SLC5A8: variants seen among roughly 807,000 people sequenced by gnomAD.
SLC5A8 encodes solute carrier family 5 member 8.
SLC5A8 carries 55 observed loss-of-function variants against 71.9 expected under a neutral mutation model. That is an observed-to-expected ratio of 0.77 (90% CI 0.62 to 0.96). SLC5A8 has a LOEUF of 0.96. SLC5A8 is among the 40% of genes least tolerant of loss of function. SLC5A8 has a pLI of 0.00. For synonymous variants in SLC5A8, 307 were observed against 276.1 expected, an observed-to-expected ratio of 1.11 and a Z score of -1.11; for missense variants, 701 against 745.3, an observed-to-expected ratio of 0.94 and a Z score of 0.69.
At position 101,202,647 on chromosome 12, in the gene SLC5A8, A is replaced by G. The variant is rs185429894; in HGVS notation, c.418-432T>C. Among the ~76,000 whole-genome samples the G allele has an allele frequency of 4.7e-3, 721 of 152,246 alleles. 8 individuals are homozygous for G. Among genetic ancestry groups the G allele is most frequent in the African/African-American group, 0.016 (683 of 41,576 alleles). ...AATCAAGAAAATAGTAAAAATTTGG[A>G]AAGCCTATTTCTAAACTTTTACTGT... On this transcript the variant is annotated intron_variant, in intron 2 of 14. Transcript: ENST00000536262.
intron 10 of SLC5A8, among the ~76,000 whole-genome samples, chr12:101,172,785 T>C (rs925888241): frequency 2.0e-5 from 3 of 152,192 alleles, no homozygotes; most frequent in Non-Finnish European, 4.4e-5. Flanking sequence ...GATGAGGACC[T>C]ACAGAGCTCA....
In SLC5A8 at chr12:101,155,965, T is replaced by C. The variant is rs2051656774; in HGVS notation, c.*1314A>G. On this transcript the variant is annotated 3_prime_UTR_variant, in exon 15 of 15. Coordinates refer to ENST00000536262, the MANE Select transcript of SLC5A8 (RefSeq NM_145913.5). The stretch of plus-strand genomic sequence containing the variant: ...TCTTATGTTTCTAAAAAAAATTGAG[T>C]TTAAAAAAGAACTTTTAAACAGTAT... 6.6e-6 allele frequency: 1 copy of C among 152,108 alleles called. No individual in the cohort carries two copies. Among genetic ancestry groups the C allele is most frequent in the South Asian group, 2.1e-4 (1 of 4,812 alleles). 9.4% of individuals were successfully genotyped at this position (152,108 alleles called of 1,614,324 possible).
intron 10 of SLC5A8, among the ~76,000 whole-genome samples, chr12:101,174,223 G>C (rs1041588541): frequency 6.6e-6 from 1 of 152,152 alleles, no homozygotes. Context: ...TGCCAGTTGT[G>C]TTCAGAGGTT....
Position 101,166,545 on chromosome 12 carries a change from G to C in SLC5A8, c.1475C>G (p.Thr492Ser). 2 of 1,613,860 alleles carry C rather than the reference G, an allele frequency of 1.2e-6. No homozygotes were observed. The highest frequency in any genetic ancestry group is 1.7e-6 in the Non-Finnish European group (2 of 1,179,926). ...STYNETNLMT[T>S]TEMPFTTSVF... Reference sequence around the variant, plus strand: ...ACTAGTAGTAAATGGCATTTCTGTGGTTGTCATCAAATTTGTCTCATTGTA... The same window carrying C: ...ACTAGTAGTAAATGGCATTTCTGTGCTTGTCATCAAATTTGTCTCATTGTA... The change falls in exon 12 of 15, where the codon ACC (threonine) becomes AGC (serine). Residue 492 changes from threonine (T) to serine (S), a missense_variant. By Grantham distance (58) the Thr-to-Ser change is moderately conservative. Transcript: ENST00000536262.
At position 101,192,074 on chromosome 12, in the gene SLC5A8, C is replaced by G. The variant is rs545850731; in HGVS notation, c.693-1466G>C. 9.2e-5 allele frequency among the ~76,000 whole-genome samples: 14 copies of G among 152,272 alleles called. No individual in the cohort carries two copies. The South Asian group carries it at 1.5e-3, about 16-fold the overall frequency. On this transcript the variant is annotated intron_variant, in intron 5 of 14. Transcript: ENST00000536262. ...TGTTTCCACTTCCTGGACTTCCCCC[C>G]TCCCTGTTCTGGTAAAAGCAACCCA...
chr12:101,192,376 G>A (rs1868952103), intron 5 of SLC5A8, among the ~76,000 whole-genome samples: 1 of 150,454 alleles, frequency 6.6e-6, no homozygotes, highest in East Asian at 2.0e-4. Context: ...CTTATTTTCA[G>A]AAGACCAGAA....
intron 1 of SLC5A8, among the ~76,000 whole-genome samples, chr12:101,208,529 C>T (rs1051313923): frequency 6.6e-6 from 1 of 150,598 alleles, no homozygotes; most frequent in African/African-American, 2.4e-5. Flanking sequence ...GAGCTTTGAT[C>T]CCGCCCCCAC....
At chr12:101,192,230 T>C (rs138281178) in intron 5 of SLC5A8, among the ~76,000 whole-genome samples, 6 of 152,332 alleles carry the variant, frequency 3.9e-5, no homozygotes, top group African/African-American at 1.4e-4. Flanking sequence ...CTCTTTTCCT[T>C]AGAATCTGAA....
chr12:101,167,430 T>G (rs1288342683), intron 11 of SLC5A8, among the ~76,000 whole-genome samples: 1 of 152,182 alleles, frequency 6.6e-6, no homozygotes, highest in Non-Finnish European at 1.5e-5. Flanking sequence ...GCACATACAT[T>G]ATCAGTTTTT....
At chr12:101,206,331 T>A (rs1328365139) in intron 1 of SLC5A8, among the ~76,000 whole-genome samples, 1 of 152,252 alleles carries the variant, frequency 6.6e-6, no homozygotes, top group African/African-American at 2.4e-5. Flanking sequence ...TATTTTTGGT[T>A]TGTTTGTTTT....
intron 3 of SLC5A8, among the ~76,000 whole-genome samples, chr12:101,200,144 T>C (rs142638470): frequency 3.8e-4 from 57 of 148,560 alleles, no homozygotes; most frequent in East Asian, 2.1e-4. Flanking sequence ...AAAGGCTCTA[T>C]ATGATTCCAC....
intron 10 of SLC5A8, among the ~76,000 whole-genome samples, chr12:101,174,624 T>A (rs1295232703): frequency 6.6e-6 from 1 of 152,218 alleles, no homozygotes; most frequent in Admixed American, 6.5e-5. Flanking sequence ...TGGAAATCCC[T>A]GAGCCAGGGT....
intron 7 of SLC5A8, among the ~76,000 whole-genome samples, chr12:101,186,936 T>C (rs947118491): frequency 6.6e-6 from 1 of 152,200 alleles, no homozygotes. Flanking sequence ...TCTCACCACA[T>C]AGTTGGTACT....
chr12:101,183,400 C>A (rs1868459289), intron 8 of SLC5A8, among the ~76,000 whole-genome samples: 1 of 151,966 alleles, frequency 6.6e-6, no homozygotes, highest in Non-Finnish European at 1.5e-5. Flanking sequence ...TGTTATCATC[C>A]AAAAATGATA....
chr12:101,178,863 A>G (rs2051905968), intron 10 of SLC5A8, among the ~76,000 whole-genome samples: 1 of 152,146 alleles, frequency 6.6e-6, no homozygotes, highest in South Asian at 2.1e-4. Flanking sequence ...TTATGAGGAT[A>G]AAAAGACAAA....
At chr12:101,157,935 T>C (rs900588711) in intron 14 of SLC5A8, among the ~76,000 whole-genome samples, 4 of 151,960 alleles carry the variant, frequency 2.6e-5, no homozygotes, top group African/African-American at 7.2e-5. Flanking sequence ...ACAACAGATA[T>C]AGGTTATCAG....
intron 10 of SLC5A8, 132 bp downstream of exon 10, chr12:101,179,897 G>A (rs1480931708): frequency 4.5e-6 from 4 of 880,288 alleles, no homozygotes; most frequent in Non-Finnish European, 7.3e-6. Flanking sequence ...AAATTAAAAA[G>A]TGTAGTCATC....
At chr12:101,209,396 C>A in intron 1 of SLC5A8, 102 bp downstream of exon 1, 1 of 818,204 alleles carries the variant, frequency 1.2e-6, no homozygotes. Flanking sequence ...GGAGAGATTT[C>A]GATGTGGCAG....
intron 12 of SLC5A8, among the ~76,000 whole-genome samples, chr12:101,165,154 G>A (rs967688193): frequency 9.9e-5 from 15 of 152,162 alleles, no homozygotes; most frequent in African/African-American, 3.6e-4. Context: ...GGCCAGCACA[G>A]TGCTGGGTAC....
Sources: gnomAD v4.1 joint callset for allele counts (sites outside exome capture counted in the v4.1 genomes callset) on GRCh38, gnomAD v4.1.1 for gene constraint, MANE v1.5 for transcripts, NCBI Gene and HGNC (gene_info 2026-07-23, HGNC 2026-07-21) for gene names.